SDC2: variants seen among roughly 807,000 people sequenced by gnomAD.
The protein encoded by SDC2 is syndecan-2.
Under a neutral mutation model 22.2 loss-of-function variants are expected in SDC2, and 13 were observed. The observed-to-expected ratio is 0.59, with a 90% CI of 0.38 to 0.93. The LOEUF (loss-of-function observed/expected upper bound fraction) is 0.93, where lower values mean the gene tolerates loss of function less well. Ranked by LOEUF, SDC2 falls within the 40% of genes least tolerant of loss-of-function variation. The pLI, the probability that SDC2 is intolerant of heterozygous loss-of-function variation, is 0.00. For missense variants in SDC2, 235 were observed against 246.8 expected (o/e 0.95, Z 0.32); for synonymous variants, 94 against 92.8 (o/e 1.01, Z -0.07).
chr8:96,557,589 C>T (rs2130553675), intron 1 of SDC2, among the ~76,000 whole-genome samples: 1 of 144,782 alleles, frequency 6.9e-6, no homozygotes, highest in South Asian at 2.2e-4. Context: ...ATCACATGGT[C>T]ACAGGAAGGG....
At chr8:96,513,976 C>G (rs1283591813) in intron 1 of SDC2, among the ~76,000 whole-genome samples, 1 of 152,156 alleles carries the variant, frequency 6.6e-6, no homozygotes, top group African/African-American at 2.4e-5. Flanking sequence ...TTCTGTACGA[C>G]ATTTTAAAGG....
intron 1 of SDC2, among the ~76,000 whole-genome samples, chr8:96,534,171 G>A (rs1031798489): frequency 3.3e-5 from 5 of 152,276 alleles, no homozygotes; most frequent in South Asian, 2.1e-4. Context: ...GCGCAGCCCC[G>A]GTTCCTGCCT....
At chr8:96,606,764 G>A (rs1815087091) in intron 3 of SDC2, among the ~76,000 whole-genome samples, 1 of 152,198 alleles carries the variant, frequency 6.6e-6, no homozygotes, top group South Asian at 2.1e-4. Flanking sequence ...AAAGGCAAGA[G>A]ATAATTTCTG....
At chr8:96,528,281 C>T (rs902092466) in intron 1 of SDC2, among the ~76,000 whole-genome samples, 1 of 151,690 alleles carries the variant, frequency 6.6e-6, no homozygotes, top group Admixed American at 6.6e-5. Flanking sequence ...TTTTTTTAAG[C>T]CTAAAAGCCA....
At position 96,494,004 on chromosome 8, in the gene SDC2, C is replaced by G; in HGVS notation, c.-268C>G. The G allele has an allele frequency of 1.9e-6, 1 of 523,070 alleles. No homozygotes were observed. Among genetic ancestry groups the G allele is most frequent in the Non-Finnish European group, 3.3e-6 (1 of 300,454 alleles). 32.4% of individuals were successfully genotyped at this position (523,070 alleles called of 1,614,324 possible). A position where few individuals can be genotyped will look rare whatever the true frequency, so the allele number is the denominator to read the frequency against. The stretch of plus-strand genomic sequence containing the variant: ...GAAGAGCTTCAGAGAGCAGCCTTCC[C>G]GGAGCACCAACTCCGTGTCGGGAGT... On this transcript the variant is annotated 5_prime_UTR_variant, in exon 1 of 5. Coordinates refer to ENST00000302190, the MANE Select transcript of SDC2 (RefSeq NM_002998.4).
chr8:96,564,503 G>T (rs1563663447), intron 1 of SDC2, among the ~76,000 whole-genome samples: 1 of 152,154 alleles, frequency 6.6e-6, no homozygotes, highest in Non-Finnish European at 1.5e-5. Context: ...TGCAGGCCTT[G>T]ACCGTAGAGT....
chr8:96,594,067 G>A (rs1410076094), intron 2 of SDC2, among the ~76,000 whole-genome samples: 1 of 152,002 alleles, frequency 6.6e-6, no homozygotes, highest in African/African-American at 2.4e-5. Flanking sequence ...TTATTCCTAG[G>A]GTATTGTAGG....
chr8:96,573,109 ATTC>A, intron 1 of SDC2, among the ~76,000 whole-genome samples: 1 of 152,180 alleles, frequency 6.6e-6, no homozygotes, highest in East Asian at 1.9e-4. Context: ...AATTACTTGT[ATTC>A]TTGTTTTTTG....
intron 1 of SDC2, among the ~76,000 whole-genome samples, chr8:96,528,352 C>G (rs1813610215): frequency 1.3e-5 from 2 of 152,016 alleles, no homozygotes. Context: ...TGAAGAATTA[C>G]AAATAACTAA....
chr8:96,569,333 C>A (rs184495904), intron 1 of SDC2, among the ~76,000 whole-genome samples: 76 of 152,278 alleles, frequency 5.0e-4, no homozygotes, highest in African/African-American at 1.7e-3. Context: ...ATACTCTCAG[C>A]CTAGATATCC....
At chr8:96,550,859 A>T (rs1814015058) in intron 1 of SDC2, among the ~76,000 whole-genome samples, 1 of 152,158 alleles carries the variant, frequency 6.6e-6, no homozygotes, top group African/African-American at 2.4e-5. Context: ...ATGGGGTGAC[A>T]GGAGTCAAAG....
intron 1 of SDC2, among the ~76,000 whole-genome samples, chr8:96,534,024 A>C (rs114802101): frequency 6.6e-6 from 1 of 152,128 alleles, no homozygotes; most frequent in Non-Finnish European, 1.5e-5. Context: ...TGGGGGACCC[A>C]GTGCACCCTC....
intron 1 of SDC2, among the ~76,000 whole-genome samples, chr8:96,502,072 T>C (rs1813174436): frequency 6.6e-6 from 1 of 152,216 alleles, no homozygotes; most frequent in Admixed American, 6.5e-5. Flanking sequence ...AATAAAGACA[T>C]ACCCAAGACT....
chr8:96,494,337 T>G lies in SDC2; in HGVS notation c.60+6T>G. On this transcript the variant is annotated splice_donor_region_variant and intron_variant, in intron 1 of 4. Transcript: ENST00000302190. Reference sequence around the variant, plus strand: ...CCTGCGTGTCGGCGGAGTCGGTGAGTGGGCCAGGCGGAGGATGCGCGCGCC... The same window carrying G: ...CCTGCGTGTCGGCGGAGTCGGTGAGGGGGCCAGGCGGAGGATGCGCGCGCC... 6.5e-7 allele frequency: 1 copy of G among 1,540,242 alleles called. No homozygotes were observed. Among genetic ancestry groups the G allele is most frequent in the Non-Finnish European group, 8.7e-7 (1 of 1,147,722 alleles).
chr8:96,592,720 T>G (rs1339902766), intron 1 of SDC2, among the ~76,000 whole-genome samples: 1 of 152,200 alleles, frequency 6.6e-6, no homozygotes, highest in Non-Finnish European at 1.5e-5. Flanking sequence ...ATATTAAGCG[T>G]GTGATTTGCT....
intron 1 of SDC2, among the ~76,000 whole-genome samples, chr8:96,547,181 A>C (rs925586552): frequency 6.6e-6 from 1 of 152,194 alleles, no homozygotes; most frequent in African/African-American, 2.4e-5. Context: ...GATGCAGGCT[A>C]TTTTTAATTT....
At chr8:96,596,687 A>C (rs147745998) in intron 2 of SDC2, among the ~76,000 whole-genome samples, 5 of 152,384 alleles carry the variant, frequency 3.3e-5, no homozygotes, top group Non-Finnish European at 7.3e-5. Context: ...ACCTTTGGTT[A>C]AAGATGGCAG....
At chr8:96,576,722 T>C (rs1319540101) in intron 1 of SDC2, among the ~76,000 whole-genome samples, 1 of 152,056 alleles carries the variant, frequency 6.6e-6, no homozygotes, top group East Asian at 1.9e-4. Flanking sequence ...CCCGGCCTAT[T>C]CTCTTTATAT....
chr8:96,497,093 C>G (rs1586263929), intron 1 of SDC2, among the ~76,000 whole-genome samples: 2 of 151,634 alleles, frequency 1.3e-5, no homozygotes, highest in East Asian at 3.9e-4. Flanking sequence ...GTGTTTTGAA[C>G]TAGAGGAATT....
Sources: gnomAD v4.1 joint callset for allele counts (sites outside exome capture counted in the v4.1 genomes callset) on GRCh38, gnomAD v4.1.1 for gene constraint, MANE v1.5 for transcripts, NCBI Gene and HGNC (gene_info 2026-07-23, HGNC 2026-07-21) for gene names.